The following NDUFV3 variants were observed in gnomAD, a reference collection of about 807,000 sequenced individuals.
NDUFV3 encodes the protein NADH dehydrogenase [ubiquinone] flavoprotein 3, mitochondrial.
In NDUFV3, 44 loss-of-function variants were observed where a neutral mutation model predicts 37.5. The ratio of observed to expected loss-of-function variants is 1.17; its 90% confidence interval spans 0.92 to 1.51. The LOEUF is 1.51. Ranked by LOEUF, NDUFV3 falls within the 40% of genes most tolerant of loss-of-function variation. The pLI is 0.00. For synonymous variants in NDUFV3, 235 were observed against 239.3 expected, an observed-to-expected ratio of 0.98 and a Z score of 0.17; for missense variants, 580 against 580.4, an observed-to-expected ratio of 1.00 and a Z score of 0.01.
intron 1 of NDUFV3, among the ~76,000 whole-genome samples, chr21:42,894,562 T>TA (rs61195856): frequency 0.54 from 52,989 of 98,978 alleles, 13,994 homozygotes; most frequent in African/African-American, 0.65. Context: ...TATATATATA[T>TA]TTTTTTTTGA....
rs762234424 is a variant in NDUFV3, at chr21:42,904,282, C to G, written c.1264+6C>G. 8 of 1,583,014 alleles carry G rather than the reference C, an allele frequency of 5.1e-6. No individual in the cohort carries two copies. Among genetic ancestry groups the G allele is most frequent in the Middle Eastern group, 3.5e-4 (2 of 5,666 alleles). ...CGACCGAGGCGGCACACAGGGTATACCTTGACTCGCGCTCCCAAGTGCACC... is the reference window on the plus strand; with the variant it reads ...CGACCGAGGCGGCACACAGGGTATAGCTTGACTCGCGCTCCCAAGTGCACC... On this transcript the variant is annotated splice_donor_region_variant and intron_variant, in intron 3 of 3. Coordinates refer to ENST00000354250, the MANE Select transcript of NDUFV3 (RefSeq NM_021075.4).
chr21:42,903,433 G>A lies in NDUFV3; in HGVS notation c.421G>A (p.Ala141Thr), dbSNP rs1179753937. Residue 141 changes from alanine to threonine, a missense_variant, in exon 3 of 4, where the codon GCT becomes ACT. Coordinates refer to ENST00000354250, the MANE Select transcript of NDUFV3 (RefSeq NM_021075.4). ...PFRKQGSDSE[A>T]RQVGRKVTSP... ...CAGAAAACAGGGCTCTGATTCAGAAGCTCGTCAGGTGGGTCGGAAAGTGAC... is the reference window on the plus strand; with the variant it reads ...CAGAAAACAGGGCTCTGATTCAGAAACTCGTCAGGTGGGTCGGAAAGTGAC... 1 of 1,614,234 alleles carries A rather than the reference G, an allele frequency of 6.2e-7. No homozygotes were observed. The highest frequency in any genetic ancestry group is 8.5e-7 in the Non-Finnish European group (1 of 1,180,040).
Position 42,912,517 on chromosome 21 carries a change from G to A in NDUFV3, c.*3496G>A, listed in dbSNP as rs1255116456. ...CTCACGCCTGTAATCCCAGCACTTT[G>A]GGAGGCTGAGGTGGGCAGATCACGA... On this transcript the variant is annotated 3_prime_UTR_variant, in exon 4 of 4. Transcript: ENST00000354250. 6.6e-6 allele frequency: 1 copy of A among 152,478 alleles called. No homozygotes were observed. The highest frequency in any genetic ancestry group is 1.5e-5 in the Non-Finnish European group (1 of 68,280). 9.4% of individuals were successfully genotyped at this position (152,478 alleles called of 1,614,324 possible).
In NDUFV3 at chr21:42,903,240, G is replaced by A. The variant is rs61744801; in HGVS notation, c.228G>A (p.Leu76=). 36 of 1,614,066 alleles carry A rather than the reference G, an allele frequency of 2.2e-5. No homozygotes were observed. In the African/African-American group the frequency reaches 2.8e-4, roughly 13 times the overall value. The change falls in exon 3 of 4, where the codon TTG becomes TTA. Residue 76 remains leucine (L), a synonymous_variant. Transcript: ENST00000354250. The part of the protein sequence containing the change: ...KLLATQTAAE[L]SKNLSSPSSY... ...TAGCCACCCAGACAGCAGCTGAATTGTCTAAAAACTTATCTTCACCCAGTT... is the reference window on the plus strand; with the variant it reads ...TAGCCACCCAGACAGCAGCTGAATTATCTAAAAACTTATCTTCACCCAGTT...
At position 42,909,132 on chromosome 21, in the gene NDUFV3, T is replaced by C. The variant is rs2058756721; in HGVS notation, c.*111T>C. On this transcript the variant is annotated 3_prime_UTR_variant, in exon 4 of 4. Coordinates refer to ENST00000354250, the MANE Select transcript of NDUFV3 (RefSeq NM_021075.4). ...CCGCTGTGCATAATCGGTTTCACTT[T>C]TACCTTTTTTTTTTTTTTTTTTTTT... 1 of 1,094,514 alleles carries C rather than the reference T, an allele frequency of 9.1e-7. No individual in the cohort carries two copies. The highest frequency in any genetic ancestry group is 1.4e-5 in the South Asian group (1 of 73,502). The allele number at this position is 1,094,514 out of a possible 1,614,324, so 67.8% of individuals were successfully genotyped here. A position where few individuals can be genotyped will look rare whatever the true frequency, so the allele number is the denominator to read the frequency against.
At chr21:42,900,272 C>A (rs565803085) in intron 2 of NDUFV3, among the ~76,000 whole-genome samples, 1 of 152,212 alleles carries the variant, frequency 6.6e-6, no homozygotes, top group East Asian at 1.9e-4. Flanking sequence ...CAGGCCAAGG[C>A]GGGCCGATCA....
At chr21:42,899,277 G>GTATTTTTT (rs367688123) in intron 2 of NDUFV3, among the ~76,000 whole-genome samples, 1 of 141,132 alleles carries the variant, frequency 7.1e-6, no homozygotes, top group African/African-American at 2.7e-5. Context: ...GTTGTATCTT[G>GTATTTTTT]TTTTTTTTTG....
intron 2 of NDUFV3, among the ~76,000 whole-genome samples, chr21:42,897,820 G>A (rs1233949268): frequency 2.4e-4 from 36 of 152,048 alleles, no homozygotes; most frequent in East Asian, 3.9e-4. Flanking sequence ...GGGACTACAG[G>A]CGCCCACCAC....
chr21:42,893,396 A>C lies in NDUFV3; in HGVS notation c.48+15A>C, dbSNP rs1261729843. 2 of 1,536,118 alleles carry C rather than the reference A, an allele frequency of 1.3e-6. No individual in the cohort carries two copies. The highest frequency in any genetic ancestry group is 1.7e-6 in the Non-Finnish European group (2 of 1,146,298). The stretch of plus-strand genomic sequence containing the variant: ...GGGCGCTGAAGGTAAAGGAGGAGCC[A>C]GCCTGGGCTGGCTGCGCGGCCCCGA... On this transcript the variant is annotated intron_variant, in intron 1 of 3. Transcript: ENST00000354250.
At chr21:42,897,604 A>AC in intron 2 of NDUFV3, among the ~76,000 whole-genome samples, 1 of 152,080 alleles carries the variant, frequency 6.6e-6, no homozygotes, top group Admixed American at 6.6e-5. Flanking sequence ...CAATCTCCTG[A>AC]CCTTGTTATC....
intron 2 of NDUFV3, among the ~76,000 whole-genome samples, chr21:42,899,592 C>A (rs560374064): frequency 6.6e-6 from 1 of 152,274 alleles, no homozygotes; most frequent in South Asian, 2.1e-4. Flanking sequence ...CTACAGGTGC[C>A]CGCCACCAAA....
chr21:42,895,114 T>C (rs1457303029), intron 1 of NDUFV3, among the ~76,000 whole-genome samples: 1 of 152,048 alleles, frequency 6.6e-6, no homozygotes, highest in Non-Finnish European at 1.5e-5. Context: ...TCCCAGTACT[T>C]TGGGAGGCCA....
chr21:42,905,953 T>A (rs1245223262), intron 3 of NDUFV3, among the ~76,000 whole-genome samples: 3 of 150,200 alleles, frequency 2.0e-5, no homozygotes, highest in Non-Finnish European at 3.0e-5. Context: ...CGGCTCCACC[T>A]CCCACGTACA....
Position 42,903,635 on chromosome 21 carries a change from A to G in NDUFV3, c.623A>G (p.Lys208Arg). 1.2e-6 allele frequency: 2 copies of G among 1,614,032 alleles called. No individual in the cohort carries two copies. The highest frequency in any genetic ancestry group is 1.7e-6 in the Non-Finnish European group (2 of 1,180,028). The change falls in exon 3 of 4, where the codon AAA becomes AGA. Residue 208 changes from lysine (K) to arginine (R), a missense_variant. Physicochemically the swap from Lys to Arg is conservative, Grantham distance 26. Coordinates refer to ENST00000354250, the MANE Select transcript of NDUFV3 (RefSeq NM_021075.4). ...APRVTVSAKE[K>R]TLLQKPHVDI... ...CGAGTTACAGTATCAGCAAAAGAGAAAACCTTGCTGCAGAAGCCGCATGTG... is the reference window on the plus strand; with the variant it reads ...CGAGTTACAGTATCAGCAAAAGAGAGAACCTTGCTGCAGAAGCCGCATGTG...
rs1255907715 is a variant in NDUFV3 at position 42,903,264 on chromosome 21, T to C, written c.252T>C (p.Ser84=). The C allele has an allele frequency of 6.2e-7, 1 of 1,613,974 alleles. No homozygotes were observed. The highest frequency in any genetic ancestry group is 8.5e-7 in the Non-Finnish European group (1 of 1,179,976). The change falls in exon 3 of 4, where the codon AGT becomes AGC. Residue 84 remains serine (S), a synonymous_variant. Coordinates refer to ENST00000354250, the MANE Select transcript of NDUFV3 (RefSeq NM_021075.4). Reference sequence around the variant, plus strand: ...TGTCTAAAAACTTATCTTCACCCAGTTCTTACCCGCCAGCTGTGAATAAGG... The same window carrying C: ...TGTCTAAAAACTTATCTTCACCCAGCTCTTACCCGCCAGCTGTGAATAAGG... ...AELSKNLSSP[S]SYPPAVNKGR...
Position 42,904,012 on chromosome 21 carries a change from C to G in NDUFV3, c.1000C>G (p.Leu334Val). ...ASPPGAAEGH[L>V]EKPVPEPQRK... is the part of the protein sequence containing the mutation. ...TCCTCCTGGGGCGGCAGAGGGGCAT[C>G]TGGAAAAACCCGTGCCAGAGCCCCA... is the stretch of plus-strand genomic sequence containing the variant. Residue 334 changes from leucine (L) to valine (V), a missense_variant, in exon 3 of 4, where the codon CTG becomes GTG. By Grantham distance (32) the Leu-to-Val change is conservative. Transcript: ENST00000354250. The G allele has an allele frequency of 6.2e-7, 1 of 1,614,134 alleles. No individual in the cohort carries two copies. Among genetic ancestry groups the G allele is most frequent in the East Asian group, 2.2e-5 (1 of 44,884 alleles).
chr21:42,908,700 C>G (rs1033518961), intron 3 of NDUFV3, among the ~76,000 whole-genome samples, 164 bp from the exon 4 acceptor site: 1 of 147,484 alleles, frequency 6.8e-6, no homozygotes, highest in Non-Finnish European at 1.5e-5. Context: ...ATGAAGAATG[C>G]TTGGTAGGTA....
intron 3 of NDUFV3, among the ~76,000 whole-genome samples, chr21:42,905,925 G>A (rs577821707): frequency 1.3e-4 from 19 of 150,018 alleles, no homozygotes; most frequent in Admixed American, 2.7e-4. Context: ...GTACAGTGGC[G>A]CAATCTTGGC....
chr21:42,900,799 G>T (rs563883789), intron 2 of NDUFV3, among the ~76,000 whole-genome samples: 1 of 152,310 alleles, frequency 6.6e-6, no homozygotes, highest in Non-Finnish European at 1.5e-5. Flanking sequence ...GATGGGACAT[G>T]CTGTGCCTTA....
Sources: gnomAD v4.1 joint callset for allele counts (sites outside exome capture counted in the v4.1 genomes callset) on GRCh38, gnomAD v4.1.1 for gene constraint, MANE v1.5 for transcripts, NCBI Gene and HGNC (gene_info 2026-07-23, HGNC 2026-07-21) for gene names.